Variants in TENM3 observed in about 807,000 individuals in gnomAD.
TENM3 encodes teneurin-3.
In TENM3, 63 loss-of-function variants were observed where a neutral mutation model predicts 255.1. The observed-to-expected ratio is 0.25, with a 90% CI of 0.20 to 0.30. The LOEUF is 0.30. TENM3 is among the 10% of genes least tolerant of loss of function. TENM3 has a pLI of 1.00. For synonymous variants in TENM3, 1,306 were observed against 1,322.3 expected, an observed-to-expected ratio of 0.99 and a Z score of 0.27; for missense variants, 2,929 against 3,461.1, an observed-to-expected ratio of 0.85 and a Z score of 3.86.
At chr4:181,651,926 G>T in the TENM3 span, among the ~76,000 whole-genome samples, 2 of 151,994 alleles carry the variant, frequency 1.3e-5, no homozygotes, top group Non-Finnish European at 2.9e-5. Context: ...ACACATTAAG[G>T]TTTTCACACC....
chr4:182,728,252 T>C (rs1257965046), intron 13 of TENM3, among the ~76,000 whole-genome samples: 1 of 152,232 alleles, frequency 6.6e-6, no homozygotes, highest in Non-Finnish European at 1.5e-5. Flanking sequence ...CTCTCCCAAA[T>C]TTTAGAGCTT....
chr4:182,479,928 G>A (rs569444607), intron 3 of TENM3, among the ~76,000 whole-genome samples: 47 of 151,998 alleles, frequency 3.1e-4, no homozygotes, highest in African/African-American at 1.1e-3. Flanking sequence ...CTTTTTCCCT[G>A]AAGTGTTGCC....
the TENM3 span, among the ~76,000 whole-genome samples, chr4:181,475,651 T>C: frequency 6.6e-6 from 1 of 152,216 alleles, no homozygotes; most frequent in Non-Finnish European, 1.5e-5. Context: ...AAATCAGCTC[T>C]ACCTGAGTCA....
chr4:181,492,861 G>A, the TENM3 span, among the ~76,000 whole-genome samples: 264 of 151,944 alleles, frequency 1.7e-3, 2 homozygotes, highest in Admixed American at 0.014. Flanking sequence ...TACTTTCTCT[G>A]GTCATATATC....
the TENM3 span, among the ~76,000 whole-genome samples, chr4:181,943,839 C>T: frequency 1.5e-4 from 23 of 152,170 alleles, no homozygotes; most frequent in Non-Finnish European, 2.9e-4. Flanking sequence ...GACACGTTTC[C>T]GCAGGGCCCA....
At chr4:182,050,261 G>A in the TENM3 span, among the ~76,000 whole-genome samples, 1 of 151,748 alleles carries the variant, frequency 6.6e-6, no homozygotes, top group African/African-American at 2.4e-5. Context: ...CCAAAGTATT[G>A]GGATTACAGG....
At chr4:182,561,602 C>T (rs1170497913) in intron 3 of TENM3, among the ~76,000 whole-genome samples, 3 of 151,648 alleles carry the variant, frequency 2.0e-5, no homozygotes, top group Middle Eastern at 3.4e-3. Context: ...TGAAAACATA[C>T]AAAAATTTTA....
chr4:182,045,526 T>C, the TENM3 span, among the ~76,000 whole-genome samples: 1 of 152,268 alleles, frequency 6.6e-6, no homozygotes, highest in African/African-American at 2.4e-5. Flanking sequence ...TGCGTTTTTT[T>C]AAGGGTGAAT....
chr4:181,699,457 AAAAAAAAAAAAAAAAG>A, the TENM3 span, among the ~76,000 whole-genome samples: 1 of 143,454 alleles, frequency 7.0e-6, no homozygotes, highest in Non-Finnish European at 1.6e-5. Flanking sequence ...AAAAAAAAAA[AAAAAAAAAAAAAAAAG>A]AAAGAAAGAA....
At chr4:181,829,485 T>G in the TENM3 span, among the ~76,000 whole-genome samples, 1 of 152,200 alleles carries the variant, frequency 6.6e-6, no homozygotes, top group Non-Finnish European at 1.5e-5. Context: ...GAACTTCATA[T>G]GTGTAGAAAC....
rs529467060 is a variant in TENM3 at position 182,784,597 on chromosome 4, C to T, written c.5305-4496C>T. ...TGGGCTCCACCCAGTTCGAGCTCCC[C>T]GGCTGCTTTGTTTACCTAAGCAAGC... On this transcript the variant is annotated intron_variant, in intron 24 of 27. Transcript: ENST00000511685. Among the ~76,000 whole-genome samples the T allele has an allele frequency of 6.0e-3, 918 of 152,054 alleles. 8 individuals are homozygous for T. Among genetic ancestry groups the T allele is most frequent in the African/African-American group, 0.021 (876 of 41,448 alleles).
At chr4:181,894,756 T>C in the TENM3 span, among the ~76,000 whole-genome samples, 1 of 151,282 alleles carries the variant, frequency 6.6e-6, no homozygotes, top group African/African-American at 2.4e-5. Flanking sequence ...ACGGGGAAAT[T>C]AGAACTTTCT....
intron 1 of TENM3, among the ~76,000 whole-genome samples, chr4:182,163,996 A>G (rs368861025): frequency 3.3e-5 from 5 of 152,176 alleles, no homozygotes; most frequent in African/African-American, 9.7e-5. Flanking sequence ...TATTCCACTC[A>G]AAACTTCTAG....
the TENM3 span, among the ~76,000 whole-genome samples, chr4:181,484,101 G>A: frequency 6.6e-6 from 1 of 151,980 alleles, no homozygotes; most frequent in African/African-American, 2.4e-5. Context: ...TGTATTTCCA[G>A]CCCTCGCATG....
At chr4:181,616,446 C>T in the TENM3 span, among the ~76,000 whole-genome samples, 26 of 147,490 alleles carry the variant, frequency 1.8e-4, no homozygotes, top group Middle Eastern at 3.6e-3. Flanking sequence ...ATATCCTATC[C>T]ATATAATGTA....
chr4:182,043,388 T>A, the TENM3 span, among the ~76,000 whole-genome samples: 2 of 152,218 alleles, frequency 1.3e-5, no homozygotes, highest in African/African-American at 4.8e-5. Flanking sequence ...TCTTTTAAGA[T>A]CCTCTGTAAG....
At chr4:182,396,981 A>G (rs1051124347) in intron 3 of TENM3, among the ~76,000 whole-genome samples, 2 of 151,834 alleles carry the variant, frequency 1.3e-5, no homozygotes, top group African/African-American at 2.4e-5. Flanking sequence ...AAATAAATAT[A>G]TAGAATAAAA....
chr4:181,687,211 G>T, the TENM3 span, among the ~76,000 whole-genome samples: 3 of 152,132 alleles, frequency 2.0e-5, no homozygotes, highest in African/African-American at 7.2e-5. Context: ...CATTACATGT[G>T]TTAGTAGAAA....
At chr4:182,242,468 A>T (rs926257750), upstream of TENM3, among the ~76,000 whole-genome samples, 8 of 151,924 alleles carry the variant, frequency 5.3e-5, no homozygotes, top group Non-Finnish European at 1.2e-4. Flanking sequence ...GCCTTCTTAA[A>T]ACTTCTTGGT....
Sources: gnomAD v4.1 joint callset for allele counts (sites outside exome capture counted in the v4.1 genomes callset) on GRCh38, gnomAD v4.1.1 for gene constraint, MANE v1.5 for transcripts, NCBI Gene and HGNC (gene_info 2026-07-23, HGNC 2026-07-21) for gene names.